Variants in MDFIC2 observed in about 807,000 individuals in gnomAD.
The protein encoded by MDFIC2 is myoD family inhibitor domain-containing protein 2.
intron 2 of MDFIC2, among the ~76,000 whole-genome samples, chr3:70,209,158 A>G (rs892118337): frequency 2.0e-5 from 3 of 152,086 alleles, no homozygotes; most frequent in Non-Finnish European, 4.4e-5. Flanking sequence ...GGACATTCAA[A>G]TGATGTCTTA....
intron 2 of MDFIC2, among the ~76,000 whole-genome samples, chr3:70,271,551 A>G (rs1701975762): frequency 1.3e-5 from 2 of 152,188 alleles, no homozygotes; most frequent in African/African-American, 4.8e-5. Context: ...AATGTTGACA[A>G]AATTTGACTC....
intron 2 of MDFIC2, among the ~76,000 whole-genome samples, chr3:70,296,986 C>T (rs993594239): frequency 6.6e-6 from 1 of 151,938 alleles, no homozygotes. Context: ...TATCCCCATG[C>T]TCCCCAACCG....
rs904529252 is a variant in MDFIC2 at position 70,196,576 on chromosome 3, G to A, written c.*350C>T. Among the ~76,000 whole-genome samples, 1 of 152,212 alleles carries A rather than the reference G, an allele frequency of 6.6e-6. No homozygotes were observed. The highest frequency in any genetic ancestry group is 1.5e-5 in the Non-Finnish European group (1 of 68,036). ...ACTAATTTGTCCTGAATTTGTGAAT[G>A]AGGTTGAATCCATAATGCAAGCTGA... On this transcript the variant is annotated 3_prime_UTR_variant, in exon 4 of 4. Transcript: ENST00000567252.
At chr3:70,296,345 T>C (rs1405889902) in intron 2 of MDFIC2, among the ~76,000 whole-genome samples, 1 of 152,158 alleles carries the variant, frequency 6.6e-6, no homozygotes, top group African/African-American at 2.4e-5. Flanking sequence ...AAACAGACTC[T>C]TAACATGATA....
intron 2 of MDFIC2, among the ~76,000 whole-genome samples, chr3:70,262,149 C>T (rs566804844): frequency 2.6e-5 from 4 of 151,908 alleles, no homozygotes; most frequent in African/African-American, 9.7e-5. Flanking sequence ...GGCCACTGCT[C>T]GGTAACAATA....
intron 2 of MDFIC2, among the ~76,000 whole-genome samples, chr3:70,309,242 TAA>T (rs1702434772): frequency 6.6e-6 from 1 of 152,112 alleles, no homozygotes; most frequent in Non-Finnish European, 1.5e-5. Flanking sequence ...GAGCAAGATG[TAA>T]AGTCTTTCCA....
chr3:70,286,889 A>G lies in MDFIC2; in HGVS notation c.88+24997T>C, dbSNP rs1390146651. Reference sequence around the variant, plus strand: ...TTGTTGGTGTATAAGAATGCTTGTGATTTTTGTACATTGATTTTGTATCCT... The same window carrying G: ...TTGTTGGTGTATAAGAATGCTTGTGGTTTTTGTACATTGATTTTGTATCCT... On this transcript the variant is annotated intron_variant, in intron 2 of 3. Transcript: ENST00000567252. 2.0e-5 allele frequency among the ~76,000 whole-genome samples: 3 copies of G among 151,954 alleles called. No individual in the cohort carries two copies. In the East Asian group the frequency reaches 5.8e-4, roughly 30 times the overall value.
At chr3:70,242,871 G>T (rs1429388922) in intron 2 of MDFIC2, among the ~76,000 whole-genome samples, 2 of 152,048 alleles carry the variant, frequency 1.3e-5, no homozygotes, top group Non-Finnish European at 2.9e-5. Context: ...CAAATGTCTT[G>T]GCCATCTGTG....
intron 2 of MDFIC2, among the ~76,000 whole-genome samples, chr3:70,234,327 G>T (rs1701588411): frequency 6.6e-6 from 1 of 152,124 alleles, no homozygotes; most frequent in Non-Finnish European, 1.5e-5. Context: ...GATGAGGTTT[G>T]GGATAAAAAG....
At position 70,194,560 on chromosome 3, in the gene MDFIC2, T is replaced by C. The variant is rs1299039043; in HGVS notation, c.*2366A>G. Among the ~76,000 whole-genome samples, 3 of 152,310 alleles carry C rather than the reference T, an allele frequency of 2.0e-5. No individual in the cohort carries two copies. The East Asian group carries it at 5.8e-4, about 29-fold the overall frequency. On this transcript the variant is annotated 3_prime_UTR_variant, in exon 4 of 4. Transcript: ENST00000567252. ...TTTGTATAACCGACCCTTTCTGTTA[T>C]AGCACAGTGAATTCTGAAAGTGAGG...
intron 2 of MDFIC2, among the ~76,000 whole-genome samples, chr3:70,237,979 C>CTTTGTTTTTTTTT (rs1701627930): frequency 2.0e-5 from 1 of 48,932 alleles, no homozygotes; most frequent in Non-Finnish European, 3.2e-5. Context: ...TGAGTGGTAT[C>CTTTGTTTTTTTTT]TTTTTTTTTT....
intron 2 of MDFIC2, among the ~76,000 whole-genome samples, chr3:70,220,821 C>A (rs951314037): frequency 5.3e-5 from 8 of 152,148 alleles, no homozygotes; most frequent in Non-Finnish European, 1.0e-4. Flanking sequence ...AAAAGAAGGT[C>A]ATTTCCTTTT....
At chr3:70,245,669 CTTTA>C (rs1266818584) in intron 2 of MDFIC2, among the ~76,000 whole-genome samples, 3 of 72,234 alleles carry the variant, frequency 4.2e-5, no homozygotes, top group Admixed American at 1.8e-4. Context: ...TTGCAAACTG[CTTTA>C]TATATATATA....
chr3:70,300,633 A>T (rs1322218331), intron 2 of MDFIC2, among the ~76,000 whole-genome samples: 1 of 152,094 alleles, frequency 6.6e-6, no homozygotes, highest in African/African-American at 2.4e-5. Flanking sequence ...AAAAAGAACT[A>T]GTTATTTCTC....
chr3:70,280,672 T>A (rs1292872981), intron 2 of MDFIC2, among the ~76,000 whole-genome samples: 1 of 152,102 alleles, frequency 6.6e-6, no homozygotes, highest in Non-Finnish European at 1.5e-5. Context: ...CCATAGAAAC[T>A]AGAATACCTC....
At chr3:70,256,146 TG>T (rs1297235554) in intron 2 of MDFIC2, among the ~76,000 whole-genome samples, 5 of 152,226 alleles carry the variant, frequency 3.3e-5, no homozygotes, top group Non-Finnish European at 7.3e-5. Context: ...GCTTTCCCCA[TG>T]GTTACGAATG....
At chr3:70,306,258 C>T (rs918870120) in intron 2 of MDFIC2, among the ~76,000 whole-genome samples, 1 of 152,106 alleles carries the variant, frequency 6.6e-6, no homozygotes, top group Admixed American at 6.5e-5. Context: ...CACTCGCCAC[C>T]ACACGTGGCT....
chr3:70,211,125 G>A (rs529857565), intron 2 of MDFIC2, among the ~76,000 whole-genome samples: 113 of 151,874 alleles, frequency 7.4e-4, no homozygotes, highest in Non-Finnish European at 1.4e-3. Context: ...ATAAGTACTA[G>A]GTCCTCTGAT....
chr3:70,298,533 A>G (rs1457218401), intron 2 of MDFIC2, among the ~76,000 whole-genome samples: 1 of 152,160 alleles, frequency 6.6e-6, no homozygotes, highest in Non-Finnish European at 1.5e-5. Context: ...GAACTATTTA[A>G]TCACTGTGAT....
Sources: gnomAD v4.1 joint callset for allele counts (sites outside exome capture counted in the v4.1 genomes callset) on GRCh38, gnomAD v4.1.1 for gene constraint, MANE v1.5 for transcripts, NCBI Gene and HGNC (gene_info 2026-07-23, HGNC 2026-07-21) for gene names.